The following GRID1 variants were observed in gnomAD, a reference collection of about 807,000 sequenced individuals.
The protein encoded by GRID1 is glutamate receptor ionotropic, delta-1.
Under a neutral mutation model 98.0 loss-of-function variants are expected in GRID1, and 28 were observed. That is an observed-to-expected ratio of 0.29 (90% CI 0.21 to 0.39). The LOEUF is 0.39. GRID1 is among the 10% of genes least tolerant of loss of function. The pLI is 1.00. For missense variants in GRID1, 1,111 were observed against 1,340.5 expected (o/e 0.83, Z 2.67); for synonymous variants, 553 against 538.5 (o/e 1.03, Z -0.37).
At chr10:85,728,879 T>C (rs1231458658) in intron 9 of GRID1, among the ~76,000 whole-genome samples, 1 of 152,214 alleles carries the variant, frequency 6.6e-6, no homozygotes, top group African/African-American at 2.4e-5. Flanking sequence ...TAGTGTCTGC[T>C]GGGAGAGAGG....
chr10:86,326,346 T>C (rs1848050412), intron 2 of GRID1, among the ~76,000 whole-genome samples: 1 of 152,230 alleles, frequency 6.6e-6, no homozygotes, highest in Non-Finnish European at 1.5e-5. Flanking sequence ...CAGACATATA[T>C]TTTCATGTAT....
intron 12 of GRID1, among the ~76,000 whole-genome samples, chr10:85,657,021 C>T (rs567638409): frequency 9.9e-5 from 15 of 152,268 alleles, no homozygotes; most frequent in African/African-American, 3.6e-4. Flanking sequence ...GACCCCAATA[C>T]ATCTGCTCTC....
intron 3 of GRID1, among the ~76,000 whole-genome samples, chr10:86,183,733 T>G (rs1845690636): frequency 6.6e-6 from 1 of 152,260 alleles, no homozygotes; most frequent in Non-Finnish European, 1.5e-5. Context: ...TGAATTAAGC[T>G]GCTACTGAAA....
intron 3 of GRID1, among the ~76,000 whole-genome samples, chr10:86,141,383 G>T (rs1421363776): frequency 6.6e-6 from 1 of 152,170 alleles, no homozygotes; most frequent in Non-Finnish European, 1.5e-5. Flanking sequence ...GGAGTAGCAG[G>T]GCAAGTGTGC....
chr10:86,106,957 C>A lies in GRID1; in HGVS notation c.726+31862G>T, dbSNP rs1844398592. ...AGAGGTGAAGTTCTACGAGAGAGGA[C>A]TTCTAGATCAGAAGCCTAGATGGGT... On this transcript the variant is annotated intron_variant, in intron 4 of 15. Transcript: ENST00000327946. 2.6e-5 allele frequency among the ~76,000 whole-genome samples: 4 copies of A among 152,106 alleles called. No individual in the cohort carries two copies. In the South Asian group the frequency reaches 8.3e-4, roughly 31 times the overall value.
chr10:85,961,725 C>G (rs1842269967), intron 4 of GRID1, among the ~76,000 whole-genome samples: 1 of 151,376 alleles, frequency 6.6e-6, no homozygotes, highest in East Asian at 1.9e-4. Context: ...TCCTTTCTTC[C>G]TTCCTTCCCA....
intron 4 of GRID1, among the ~76,000 whole-genome samples, chr10:86,001,351 A>C (rs1473069805): frequency 6.6e-6 from 1 of 152,060 alleles, no homozygotes; most frequent in Non-Finnish European, 1.5e-5. Flanking sequence ...AATGACACAA[A>C]CCACACAAAA....
At chr10:86,146,522 C>T (rs1418441794) in intron 3 of GRID1, among the ~76,000 whole-genome samples, 2 of 152,308 alleles carry the variant, frequency 1.3e-5, no homozygotes, top group African/African-American at 4.8e-5. Flanking sequence ...GAACTACCTG[C>T]TGTGGCTCCA....
At chr10:85,776,205 G>T (rs1417612945) in intron 8 of GRID1, among the ~76,000 whole-genome samples, 1 of 152,060 alleles carries the variant, frequency 6.6e-6, no homozygotes, top group Admixed American at 6.5e-5. Flanking sequence ...TCCAAGAGAA[G>T]ACTACAAAGA....
At chr10:86,118,693 T>C (rs1216966257) in intron 4 of GRID1, among the ~76,000 whole-genome samples, 2 of 151,996 alleles carry the variant, frequency 1.3e-5, no homozygotes, top group African/African-American at 4.8e-5. Context: ...TGACAAACAC[T>C]GCCTCAGCCA....
chr10:85,876,486 A>T (rs1843333252), intron 5 of GRID1, among the ~76,000 whole-genome samples: 1 of 152,166 alleles, frequency 6.6e-6, no homozygotes, highest in South Asian at 2.1e-4. Context: ...CCATCTCAAG[A>T]TCATTAACTT....
At chr10:85,731,865 G>A (rs1378487588) in intron 8 of GRID1, among the ~76,000 whole-genome samples, 1 of 135,352 alleles carries the variant, frequency 7.4e-6, no homozygotes, top group Admixed American at 7.1e-5. Context: ...GAAAGGGAGG[G>A]AGGAAGGGAT....
At chr10:85,989,417 CCT>C (rs34238799) in intron 4 of GRID1, among the ~76,000 whole-genome samples, 20,927 of 152,124 alleles carry the variant, frequency 0.14, 1,551 homozygotes, top group Middle Eastern at 0.17. Context: ...CCTGCATTTT[CCT>C]CTGTTGAACC....
intron 8 of GRID1, among the ~76,000 whole-genome samples, chr10:85,842,583 T>C (rs971106397): frequency 2.6e-5 from 4 of 151,996 alleles, no homozygotes; most frequent in African/African-American, 9.7e-5. Context: ...CTATTACAGA[T>C]GCTATAGCCA....
intron 4 of GRID1, among the ~76,000 whole-genome samples, chr10:86,007,745 T>C (rs1022198979): frequency 2.0e-5 from 3 of 152,252 alleles, no homozygotes; most frequent in Admixed American, 2.0e-4. Flanking sequence ...AAAGTAAAGG[T>C]TATATGCATG....
At chr10:86,011,156 A>C (rs1842920109) in intron 4 of GRID1, among the ~76,000 whole-genome samples, 1 of 152,222 alleles carries the variant, frequency 6.6e-6, no homozygotes, top group African/African-American at 2.4e-5. Flanking sequence ...TGGGGCTGAT[A>C]TTCTAATCTC....
intron 4 of GRID1, among the ~76,000 whole-genome samples, chr10:86,101,256 C>T (rs556083986): frequency 2.6e-5 from 4 of 152,334 alleles, no homozygotes; most frequent in Admixed American, 2.6e-4. Flanking sequence ...TATAATTTAT[C>T]ACCCTAACTA....
chr10:86,094,585 A>T (rs1389374141), intron 4 of GRID1, among the ~76,000 whole-genome samples: 2 of 152,086 alleles, frequency 1.3e-5, no homozygotes, highest in Non-Finnish European at 2.9e-5. Context: ...CAAGAACTCA[A>T]CCCCTTTTCC....
At chr10:86,105,941 A>T (rs1464272176) in intron 4 of GRID1, among the ~76,000 whole-genome samples, 1 of 152,102 alleles carries the variant, frequency 6.6e-6, no homozygotes, top group Non-Finnish European at 1.5e-5. Context: ...GGACAAGAGG[A>T]TGGGGGCTGC....
Sources: gnomAD v4.1 joint callset for allele counts (sites outside exome capture counted in the v4.1 genomes callset) on GRCh38, gnomAD v4.1.1 for gene constraint, MANE v1.5 for transcripts, NCBI Gene and HGNC (gene_info 2026-07-23, HGNC 2026-07-21) for gene names.